The following EVC2 variants were observed in gnomAD, a reference collection of about 807,000 sequenced individuals.
EVC2 encodes limbin.
EVC2 carries 148 observed loss-of-function variants against 149.3 expected under a neutral mutation model. The ratio of observed to expected loss-of-function variants is 0.99; its 90% CI spans 0.87 to 1.14. The LOEUF (loss-of-function observed/expected upper bound fraction) is 1.14, where lower values mean the gene tolerates loss of function less well. Among genes scored for constraint, EVC2 ranks in the 50% most tolerant of loss-of-function variants. The pLI is 0.00. For synonymous variants in EVC2, 776 were observed against 649.9 expected, an observed-to-expected ratio of 1.19 and a Z score of -2.95; for missense variants, 1,854 against 1,627.3, an observed-to-expected ratio of 1.14 and a Z score of -2.40.
chr4:5,571,664 G>A (rs1722652806), intron 19 of EVC2, among the ~76,000 whole-genome samples: 1 of 152,106 alleles, frequency 6.6e-6, no homozygotes, highest in South Asian at 2.1e-4. Flanking sequence ...CTTTTCTCTA[G>A]TACAAAAAGA....
intron 7 of EVC2, among the ~76,000 whole-genome samples, chr4:5,673,927 G>A (rs1464180406): frequency 2.0e-5 from 3 of 152,196 alleles, no homozygotes; most frequent in Non-Finnish European, 4.4e-5. Context: ...GTGGAGGGTG[G>A]TGGTAAGAAG....
intron 7 of EVC2, among the ~76,000 whole-genome samples, chr4:5,678,264 C>T (rs370901956): frequency 9.2e-5 from 14 of 152,134 alleles, no homozygotes; most frequent in African/African-American, 1.9e-4. Flanking sequence ...AGAGTGCCTA[C>T]GTGGCCAGCC....
At chr4:5,684,463 C>T (rs938468941) in intron 6 of EVC2, among the ~76,000 whole-genome samples, 4 of 152,060 alleles carry the variant, frequency 2.6e-5, no homozygotes, top group Non-Finnish European at 5.9e-5. Context: ...CTTCCATGTC[C>T]GTGAATAGGG....
intron 10 of EVC2, among the ~76,000 whole-genome samples, chr4:5,632,960 G>A (rs1716661978): frequency 6.6e-6 from 1 of 152,148 alleles, no homozygotes; most frequent in Non-Finnish European, 1.5e-5. Flanking sequence ...TCACTCCTGT[G>A]ATTGGTTTAC....
intron 2 of EVC2, among the ~76,000 whole-genome samples, 180 bp from the exon 3 acceptor site, chr4:5,694,681 C>G (rs1055871693): frequency 6.6e-6 from 1 of 152,190 alleles, no homozygotes; most frequent in African/African-American, 2.4e-5. Context: ...GACATGCTCA[C>G]TGGGATGCTA....
At chr4:5,669,747 T>G (rs1285720040) in intron 7 of EVC2, among the ~76,000 whole-genome samples, 1 of 152,186 alleles carries the variant, frequency 6.6e-6, no homozygotes, top group Non-Finnish European at 1.5e-5. Context: ...CTTACTTTCC[T>G]TTGGCCACAA....
At chr4:5,558,828 T>C (rs1488734495), downstream of EVC2, among the ~76,000 whole-genome samples, 1 of 152,276 alleles carries the variant, frequency 6.6e-6, no homozygotes, top group African/African-American at 2.4e-5. Context: ...ATGCTCCACA[T>C]ATGTACTGGA....
chr4:5,543,007 G>T, intron 22 of EVC2: 1 of 553,026 alleles, frequency 1.8e-6, no homozygotes, highest in Non-Finnish European at 2.9e-6. Flanking sequence ...ACTGTTAAGT[G>T]ATGCGGGCAG....
At chr4:5,646,477 T>C (rs1231112894) in intron 9 of EVC2, among the ~76,000 whole-genome samples, 1 of 152,160 alleles carries the variant, frequency 6.6e-6, no homozygotes, top group Non-Finnish European at 1.5e-5. Context: ...ATGATTTCAT[T>C]AGGGGTTTCA....
At chr4:5,663,780 G>C (rs1004013795) in intron 8 of EVC2, among the ~76,000 whole-genome samples, 4 of 152,116 alleles carry the variant, frequency 2.6e-5, no homozygotes, top group Non-Finnish European at 4.4e-5. Flanking sequence ...AATTAGCCAG[G>C]CGTGGTGGCA....
At position 5,562,495 on chromosome 4, in the gene EVC2, C is replaced by A. The variant is rs1252197410; in HGVS notation, c.*353G>T. On this transcript the variant is annotated 3_prime_UTR_variant, in exon 22 of 22. Coordinates refer to ENST00000344408, the MANE Select transcript of EVC2 (RefSeq NM_147127.5). This position sits in a 1 kb window ranked among gnomAD's most constrained non-coding sequence, Gnocchi z 4.3. ...CCCTTTATAAAAATAGAATATGTAA[C>A]AAATACAAAACATAAGAGTAGAGAA... 3 of 1,105,186 alleles carry A rather than the reference C, an allele frequency of 2.7e-6. No homozygotes were observed. Among genetic ancestry groups the A allele is most frequent in the African/African-American group, 1.6e-5 (1 of 61,328 alleles). The allele number at this position is 1,105,186 out of a possible 1,614,324, so 68.5% of individuals were successfully genotyped here. A position where few individuals can be genotyped will look rare whatever the true frequency, so the allele number is the denominator to read the frequency against.
chr4:5,650,281 G>A (rs1401666687), intron 9 of EVC2, among the ~76,000 whole-genome samples: 2 of 151,990 alleles, frequency 1.3e-5, no homozygotes, highest in Admixed American at 6.6e-5. Context: ...AGGCAAAAAG[G>A]GGAAGTAGGA....
chr4:5,559,472 C>T (rs993913543), downstream of EVC2, among the ~76,000 whole-genome samples: 1 of 152,180 alleles, frequency 6.6e-6, no homozygotes, highest in African/African-American at 2.4e-5. The surrounding 1 kb of genome is among the most constrained non-coding windows in gnomAD (Gnocchi z 5.0). Flanking sequence ...TAATACCATT[C>T]TCCAACAAAA....
chr4:5,708,565 A>G (rs1430768730), upstream of EVC2: 6 of 1,299,896 alleles, frequency 4.6e-6, no homozygotes, highest in Non-Finnish European at 6.0e-6. Context: ...GAGTCGCTGG[A>G]GCTTCCGGAC....
intron 16 of EVC2, among the ~76,000 whole-genome samples, chr4:5,588,477 T>C (rs1712495387): frequency 6.6e-6 from 1 of 152,210 alleles, no homozygotes; most frequent in African/African-American, 2.4e-5. Context: ...TCTTCCAATA[T>C]GTTTTCATCC....
Position 5,615,568 on chromosome 4 carries a change from T to C in EVC2, c.2707-24A>G, listed in dbSNP as rs10025164. ...TGCTGGAGAGGGGTTGGGGAAGACG[T>C]GGGTAAGAAGGCAATCACCAGCAAG... On this transcript the variant is annotated intron_variant, in intron 15 of 21. Coordinates refer to ENST00000344408, the MANE Select transcript of EVC2 (RefSeq NM_147127.5). 0.3 allele frequency: 488,626 copies of C among 1,613,586 alleles called. 79,575 individuals carry two copies. Among genetic ancestry groups the C allele is most frequent in the East Asian group, 0.6 (26,850 of 44,834 alleles).
chr4:5,593,774 T>A (rs1713077686), intron 16 of EVC2, among the ~76,000 whole-genome samples: 1 of 152,160 alleles, frequency 6.6e-6, no homozygotes, highest in South Asian at 2.1e-4. Flanking sequence ...AGGCATTGCC[T>A]CACTCGGGAA....
rs112326602 is a variant in EVC2 at position 5,643,690 on chromosome 4, G to T, written c.1146-2852C>A. Among the ~76,000 whole-genome samples the T allele has an allele frequency of 3.3e-5, 5 of 152,148 alleles. No homozygotes were observed. In the South Asian group the frequency reaches 8.3e-4, roughly 25 times the overall value. On this transcript the variant is annotated intron_variant, in intron 9 of 21. Transcript: ENST00000344408. The stretch of plus-strand genomic sequence containing the variant: ...AATCCCAGCACTTTGGGAGGCCAAG[G>T]TGGGTGGATCACTTGAGGCCAGGAG...
intron 16 of EVC2, among the ~76,000 whole-genome samples, chr4:5,595,581 A>G (rs1221784465): frequency 1.3e-5 from 2 of 152,200 alleles, no homozygotes; most frequent in East Asian, 1.9e-4. Flanking sequence ...CTAAACATGG[A>G]AAGGAACAAC....
Sources: allele counts gnomAD v4.1 joint callset (sites outside exome capture counted in the v4.1 genomes callset), GRCh38; gene constraint gnomAD v4.1.1; non-coding constraint Gnocchi (gnomAD v3.1); transcripts MANE v1.5; gene names NCBI Gene and HGNC (gene_info 2026-07-23, HGNC 2026-07-21).